Variants in CCDC85A observed in about 807,000 individuals in gnomAD.
The protein encoded by CCDC85A is coiled-coil domain-containing protein 85A.
Under a neutral mutation model 50.2 loss-of-function variants are expected in CCDC85A, and 38 were observed. The ratio of observed to expected loss-of-function variants is 0.76; its 90% CI spans 0.58 to 0.99. CCDC85A has a LOEUF of 0.99. Ranked by LOEUF, CCDC85A falls within the 50% of genes least tolerant of loss-of-function variation. CCDC85A has a pLI of 0.00. For synonymous variants in CCDC85A, 366 were observed against 301.4 expected (o/e 1.21, Z -2.22); for missense variants, 820 against 742.0 (o/e 1.11, Z -1.22).
intron 2 of CCDC85A, among the ~76,000 whole-genome samples, chr2:56,294,040 G>C (rs1439652725): frequency 6.6e-6 from 1 of 152,126 alleles, no homozygotes; most frequent in East Asian, 1.9e-4. Context: ...CAATAGCAAA[G>C]ACATGGAATC....
intron 2 of CCDC85A, among the ~76,000 whole-genome samples, chr2:56,264,269 C>A (rs1468562584): frequency 6.6e-6 from 1 of 152,106 alleles, no homozygotes; most frequent in Non-Finnish European, 1.5e-5. Flanking sequence ...TTTGATATTT[C>A]TCCTTGAATA....
At chr2:56,280,768 G>A (rs1671171281) in intron 2 of CCDC85A, among the ~76,000 whole-genome samples, 1 of 152,064 alleles carries the variant, frequency 6.6e-6, no homozygotes, top group Non-Finnish European at 1.5e-5. Context: ...AGTTATTTCT[G>A]GCCCATTCTC....
At chr2:56,360,303 G>A (rs6746976) in intron 3 of CCDC85A, among the ~76,000 whole-genome samples, 6,122 of 152,218 alleles carry the variant, frequency 0.04, 400 homozygotes, top group African/African-American at 0.14. Flanking sequence ...CAGCTACCAC[G>A]TGAAGCTAAT....
intron 2 of CCDC85A, among the ~76,000 whole-genome samples, chr2:56,280,366 A>G (rs1220586688): frequency 1.3e-5 from 2 of 152,084 alleles, no homozygotes; most frequent in African/African-American, 2.4e-5. Flanking sequence ...AGTTCAGTTT[A>G]CTTGTGTTTG....
At chr2:56,241,236 A>G (rs1303323640) in intron 2 of CCDC85A, among the ~76,000 whole-genome samples, 1 of 152,184 alleles carries the variant, frequency 6.6e-6, no homozygotes, top group Non-Finnish European at 1.5e-5. Flanking sequence ...ATATTTTGAT[A>G]CAGACATACA....
At chr2:56,252,455 G>T (rs1204313856) in intron 2 of CCDC85A, among the ~76,000 whole-genome samples, 1 of 152,288 alleles carries the variant, frequency 6.6e-6, no homozygotes, top group Admixed American at 6.5e-5. Flanking sequence ...TGTGTCAGAT[G>T]TTAATCAAAT....
At chr2:56,310,077 T>C (rs187881015) in intron 2 of CCDC85A, among the ~76,000 whole-genome samples, 39 of 152,288 alleles carry the variant, frequency 2.6e-4, no homozygotes, top group Middle Eastern at 6.8e-3. Context: ...CTAAATAAAT[T>C]ACTTTCTCCA....
At chr2:56,353,844 T>G (rs1675088940) in intron 3 of CCDC85A, among the ~76,000 whole-genome samples, 2 of 152,148 alleles carry the variant, frequency 1.3e-5, no homozygotes, top group African/African-American at 4.8e-5. Flanking sequence ...AGGCATTATT[T>G]AAGAAGAAAA....
chr2:56,240,651 C>A (rs934057864), intron 2 of CCDC85A, among the ~76,000 whole-genome samples: 1 of 152,032 alleles, frequency 6.6e-6, no homozygotes. Context: ...ATTATGTGGG[C>A]CTTTTGTGCC....
chr2:56,184,299 C>G lies in CCDC85A; in HGVS notation c.-326C>G. The G allele has an allele frequency of 1.6e-6, 1 of 640,966 alleles. No homozygotes were observed. The highest frequency in any genetic ancestry group is 6.9e-5 in the East Asian group (1 of 14,426). The allele number at this position is 640,966 out of a possible 1,614,324, so 39.7% of individuals were successfully genotyped here. A position where few individuals can be genotyped will look rare whatever the true frequency, so the allele number is the denominator to read the frequency against. ...AGGGCAGGGGAACGGCGGTGCAGCT[C>G]CCCCGCTGTCCCCGAGGATTTCCCG... On this transcript the variant is annotated 5_prime_UTR_variant, in exon 1 of 6. Coordinates refer to ENST00000407595, the MANE Select transcript of CCDC85A (RefSeq NM_001080433.2).
intron 4 of CCDC85A, among the ~76,000 whole-genome samples, chr2:56,374,774 A>G (rs1418999491): frequency 6.6e-6 from 1 of 152,192 alleles, no homozygotes; most frequent in Non-Finnish European, 1.5e-5. Context: ...GTGCCACTGC[A>G]CTCCAGCCTG....
At chr2:56,323,836 G>A (rs80327844) in intron 2 of CCDC85A, among the ~76,000 whole-genome samples, 1,931 of 152,036 alleles carry the variant, frequency 0.013, 51 homozygotes, top group African/African-American at 0.043. Flanking sequence ...ATGAAAAGTT[G>A]GTGTCTCTTG....
intron 2 of CCDC85A, among the ~76,000 whole-genome samples, chr2:56,322,770 A>G (rs925167351): frequency 6.6e-6 from 1 of 152,200 alleles, no homozygotes; most frequent in East Asian, 1.9e-4. Context: ...GAAATACCAT[A>G]TGACCCAGCC....
At chr2:56,286,253 A>G (rs1372777963) in intron 2 of CCDC85A, among the ~76,000 whole-genome samples, 2 of 152,116 alleles carry the variant, frequency 1.3e-5, no homozygotes, top group African/African-American at 4.8e-5. Context: ...ATCTATAGGT[A>G]GATGTTTTTC....
chr2:56,292,531 A>G (rs1671761642), intron 2 of CCDC85A, among the ~76,000 whole-genome samples: 1 of 152,238 alleles, frequency 6.6e-6, no homozygotes, highest in Non-Finnish European at 1.5e-5. Context: ...AAAGAGGAGA[A>G]TGATGTGATT....
intron 2 of CCDC85A, among the ~76,000 whole-genome samples, chr2:56,307,904 G>T (rs1672515544): frequency 6.6e-6 from 1 of 152,194 alleles, no homozygotes; most frequent in Non-Finnish European, 1.5e-5. Context: ...GCTAGGCTAT[G>T]CATGAGAATG....
At chr2:56,217,482 T>C (rs1195345401) in intron 2 of CCDC85A, among the ~76,000 whole-genome samples, 1 of 151,976 alleles carries the variant, frequency 6.6e-6, no homozygotes, top group Non-Finnish European at 1.5e-5. Flanking sequence ...GGAATTCCTT[T>C]GTATAGCCAT....
intron 2 of CCDC85A, among the ~76,000 whole-genome samples, chr2:56,271,250 T>C (rs940524615): frequency 1.3e-5 from 2 of 152,162 alleles, no homozygotes; most frequent in Non-Finnish European, 2.9e-5. Flanking sequence ...CAGAATAATT[T>C]GAGTAATGAA....
At chr2:56,341,649 T>C (rs1337579192) in intron 2 of CCDC85A, among the ~76,000 whole-genome samples, 1 of 152,224 alleles carries the variant, frequency 6.6e-6, no homozygotes, top group Non-Finnish European at 1.5e-5. Flanking sequence ...CCCCTTTTCC[T>C]GACATAAAGC....
Sources: gnomAD v4.1 joint callset for allele counts (sites outside exome capture counted in the v4.1 genomes callset) on GRCh38, gnomAD v4.1.1 for gene constraint, MANE v1.5 for transcripts, NCBI Gene and HGNC (gene_info 2026-07-23, HGNC 2026-07-21) for gene names.